Variants in SH3BGRL observed in about 807,000 individuals in gnomAD.
The protein encoded by SH3BGRL is adapter SH3BGRL.
SH3BGRL carries 7 observed loss-of-function variants against 9.8 expected under a neutral mutation model. That is an observed-to-expected ratio of 0.72 (90% CI 0.41 to 1.35). The LOEUF (loss-of-function observed/expected upper bound fraction) is 1.35. SH3BGRL is among the 40% of genes most tolerant of loss of function. The pLI is 0.01. For missense variants in SH3BGRL, 73 were observed against 84.4 expected, an observed-to-expected ratio of 0.86 and a Z score of 0.53; for synonymous variants, 36 against 29.1, an observed-to-expected ratio of 1.24 and a Z score of -0.76.
At chrX:81,233,360 C>G (rs776316478) in intron 1 of SH3BGRL, among the ~76,000 whole-genome samples, 2 of 111,849 alleles carry the variant, frequency 1.8e-5, no homozygotes, top group African/African-American at 3.2e-5. Flanking sequence ...CCTCCATATT[C>G]TTCATCCCGA....
chrX:81,259,915 T>C (rs905043353), intron 1 of SH3BGRL, among the ~76,000 whole-genome samples: 1 of 111,825 alleles, frequency 8.9e-6, no homozygotes, highest in Admixed American at 9.6e-5. Context: ...ATATGAATCA[T>C]TGCTTCTTCA....
At chrX:81,286,657 G>A (rs1429716153) in intron 3 of SH3BGRL, among the ~76,000 whole-genome samples, 4 of 110,433 alleles carry the variant, frequency 3.6e-5, no homozygotes, top group Admixed American at 2.9e-4. Flanking sequence ...ACTTTAGAGA[G>A]GATAATTTAA....
In SH3BGRL at chrX:81,298,138, A is replaced by G. The variant is rs1294220425; in HGVS notation, c.*911A>G. 1.8e-5 allele frequency: 2 copies of G among 111,887 alleles called. No homozygotes were observed. The highest frequency in any genetic ancestry group is 9.5e-5 in the Admixed American group (1 of 10,558). 9.2% of individuals were successfully genotyped at this position (111,887 alleles called of 1,213,427 possible). A position where few individuals can be genotyped will look rare whatever the true frequency, so the allele number is the denominator to read the frequency against. On this transcript the variant is annotated 3_prime_UTR_variant, in exon 4 of 4. Coordinates refer to ENST00000373212, the MANE Select transcript of SH3BGRL (RefSeq NM_003022.3). ...TTTTGCCCGTTTAAAACAACTCACA[A>G]TCGTAAATGCTACTATTCCTAAGAT...
At chrX:81,293,071 A>G (rs765077764) in intron 3 of SH3BGRL, among the ~76,000 whole-genome samples, 115 of 111,887 alleles carry the variant, frequency 1.0e-3, no homozygotes, top group Non-Finnish European at 2.0e-3. Context: ...GGAGAGACTC[A>G]GTGGGAGATA....
intron 3 of SH3BGRL, 130 bp from the exon 4 acceptor site, chrX:81,297,065 T>C (rs1469932199): frequency 9.2e-6 from 4 of 436,856 alleles, no homozygotes; most frequent in Non-Finnish European, 1.1e-5. Context: ...TTAAGAACTT[T>C]TTAAGAAATC....
At position 81,277,076 on chromosome X, in the gene SH3BGRL, G is replaced by T. The variant is rs138349307; in HGVS notation, c.138G>T (p.Arg46=). 4 of 1,207,613 alleles carry T rather than the reference G, an allele frequency of 3.3e-6. No individual in the cohort carries two copies. Among genetic ancestry groups the T allele is most frequent in the Non-Finnish European group, 4.5e-6 (4 of 893,225 alleles). ...EKDIAANEEN[R]KWMRENVPEN... is the part of the protein sequence containing the mutation. ...ATATTGCAGCCAATGAAGAGAATCG[G>T]AAGTGGATGAGAGAAAATGTACCTG... The change falls in exon 2 of 4, where the codon CGG becomes CGT. Residue 46 remains arginine (R), a synonymous_variant. Coordinates refer to ENST00000373212, the MANE Select transcript of SH3BGRL (RefSeq NM_003022.3).
At chrX:81,258,825 A>G (rs893663170) in intron 1 of SH3BGRL, among the ~76,000 whole-genome samples, 1 of 112,364 alleles carries the variant, frequency 8.9e-6, no homozygotes, top group African/African-American at 3.2e-5. Flanking sequence ...GACATTTGGG[A>G]AATCTGTATT....
chrX:81,212,319 G>T (rs1253722516), intron 1 of SH3BGRL, among the ~76,000 whole-genome samples: 1 of 111,567 alleles, frequency 9.0e-6, no homozygotes, highest in Non-Finnish European at 1.9e-5. Flanking sequence ...GTTGTTGGTG[G>T]TGATGAGACA....
intron 3 of SH3BGRL, among the ~76,000 whole-genome samples, chrX:81,290,215 C>T (rs1483707200): frequency 8.9e-6 from 1 of 111,791 alleles, no homozygotes; most frequent in Non-Finnish European, 1.9e-5. Context: ...ATTCAGCAAT[C>T]CTGCTGCTGG....
rs2075878973 is a variant in SH3BGRL at position 81,297,402 on chromosome X, T to C, written c.*175T>C. 2.5e-6 allele frequency: 1 copy of C among 401,631 alleles called. No homozygotes were observed. The highest frequency in any genetic ancestry group is 4.8e-5 in the South Asian group (1 of 20,960). 33.1% of individuals were successfully genotyped at this position (401,631 alleles called of 1,213,427 possible). On this transcript the variant is annotated 3_prime_UTR_variant, in exon 4 of 4. Transcript: ENST00000373212. ...CAAAATTAAAATTTGAACATTATGG[T>C]GATTATGGTGAGGAGAATGGGATAT...
intron 3 of SH3BGRL, among the ~76,000 whole-genome samples, chrX:81,293,135 T>C (rs1468664845): frequency 9.0e-6 from 1 of 111,607 alleles, no homozygotes; most frequent in Non-Finnish European, 1.9e-5. Context: ...AGTGAATAAG[T>C]CTTGTGATCT....
intron 1 of SH3BGRL, among the ~76,000 whole-genome samples, chrX:81,271,721 A>T (rs2075780386): frequency 9.0e-6 from 1 of 111,583 alleles, no homozygotes; most frequent in African/African-American, 3.3e-5. Context: ...ACAGGCCAAC[A>T]TTCAAATTCG....
At chrX:81,234,232 T>C (rs2075641027) in intron 1 of SH3BGRL, among the ~76,000 whole-genome samples, 1 of 111,805 alleles carries the variant, frequency 8.9e-6, no homozygotes, top group Non-Finnish European at 1.9e-5. Context: ...GTTGCATCAA[T>C]ATAGAAATAC....
chrX:81,289,877 A>G (rs2075851377), intron 3 of SH3BGRL, among the ~76,000 whole-genome samples: 1 of 111,959 alleles, frequency 8.9e-6, no homozygotes, highest in South Asian at 3.7e-4. Context: ...AAACAACTCT[A>G]TAGGAAAAAT....
At chrX:81,229,317 G>C (rs1397673709) in intron 1 of SH3BGRL, among the ~76,000 whole-genome samples, 1 of 110,913 alleles carries the variant, frequency 9.0e-6, no homozygotes, top group African/African-American at 3.3e-5. Flanking sequence ...GCCCCAGTGG[G>C]CGTGTGTTAC....
At chrX:81,256,516 T>A (rs1303174886) in intron 1 of SH3BGRL, among the ~76,000 whole-genome samples, 2 of 111,871 alleles carry the variant, frequency 1.8e-5, no homozygotes, top group Non-Finnish European at 3.8e-5. Flanking sequence ...TGTAATTCAA[T>A]AAATTGTTAT....
Position 81,247,634 on chromosome X carries a change from C to G in SH3BGRL, c.46-29350C>G, listed in dbSNP as rs754212631. On this transcript the variant is annotated intron_variant, in intron 1 of 3. Coordinates refer to ENST00000373212, the MANE Select transcript of SH3BGRL (RefSeq NM_003022.3). ...TATTGATTTATATTTCTTAAATCAA[C>G]CTTGCATCCCAGGAATGAAGTCCTG... Among the ~76,000 whole-genome samples the G allele has an allele frequency of 1.4e-3, 161 of 111,426 alleles. 1 individual carries two copies. Among genetic ancestry groups the G allele is most frequent in the African/African-American group, 5.1e-3 (158 of 30,688 alleles).
chrX:81,218,647 CTA>C (rs2075589027), intron 1 of SH3BGRL, among the ~76,000 whole-genome samples: 1 of 103,167 alleles, frequency 9.7e-6, no homozygotes, highest in South Asian at 4.1e-4. Flanking sequence ...ACATCTATAT[CTA>C]TATCTATATA....
chrX:81,281,621 A>G (rs2147715194), intron 3 of SH3BGRL, among the ~76,000 whole-genome samples: 1 of 112,398 alleles, frequency 8.9e-6, no homozygotes, highest in African/African-American at 3.2e-5. Context: ...ACAAATGCTG[A>G]GAGAATTCGC....
Sources: allele counts gnomAD v4.1 joint callset (sites outside exome capture counted in the v4.1 genomes callset), GRCh38; gene constraint gnomAD v4.1.1; transcripts MANE v1.5; gene names NCBI Gene and HGNC (gene_info 2026-07-23, HGNC 2026-07-21).